Variants in ATG10 observed in about 807,000 individuals in gnomAD.
ATG10 encodes the protein ubiquitin-like-conjugating enzyme ATG10.
ATG10 carries 30 observed loss-of-function variants against 32.1 expected under a neutral mutation model. That is an observed-to-expected ratio of 0.94 (90% CI 0.70 to 1.27). ATG10 has a LOEUF of 1.27. ATG10 is among the 50% of genes most tolerant of loss of function. ATG10 has a pLI of 0.00. For missense variants in ATG10, 233 were observed against 262.3 expected, an observed-to-expected ratio of 0.89 and a Z score of 0.77; for synonymous variants, 87 against 91.5, an observed-to-expected ratio of 0.95 and a Z score of 0.28.
intron 2 of ATG10, among the ~76,000 whole-genome samples, chr5:81,994,117 A>G (rs937903752): frequency 6.6e-6 from 1 of 152,216 alleles, no homozygotes; most frequent in Non-Finnish European, 1.5e-5. Flanking sequence ...TTCATTCAAC[A>G]CATTTCTGTC....
At chr5:82,208,956 A>G (rs908877673) in intron 5 of ATG10, among the ~76,000 whole-genome samples, 8 of 151,680 alleles carry the variant, frequency 5.3e-5, no homozygotes, top group Non-Finnish European at 7.4e-5. Context: ...TTAGCCTGCA[A>G]TTTTTTTTCT....
intron 3 of ATG10, among the ~76,000 whole-genome samples, chr5:82,058,888 A>G (rs558533524): frequency 1.3e-5 from 2 of 152,282 alleles, no homozygotes; most frequent in South Asian, 2.1e-4. Context: ...GTAAAGTTAT[A>G]TAAGATCCAC....
chr5:82,248,014 A>G (rs1208223378), intron 5 of ATG10, among the ~76,000 whole-genome samples: 3 of 152,230 alleles, frequency 2.0e-5, no homozygotes, highest in African/African-American at 7.2e-5. Context: ...CCTCAAGCCT[A>G]TAATGCTTTT....
chr5:81,985,716 T>A (rs1175798832), intron 1 of ATG10, among the ~76,000 whole-genome samples: 1 of 152,198 alleles, frequency 6.6e-6, no homozygotes. Context: ...AGAGACTGAC[T>A]TTTATCGAGT....
At chr5:82,222,621 CAT>C (rs1745974527) in intron 5 of ATG10, among the ~76,000 whole-genome samples, 1 of 152,122 alleles carries the variant, frequency 6.6e-6, no homozygotes, top group African/African-American at 2.4e-5. Context: ...GAGAAAGATT[CAT>C]ATATGTATTT....
intron 3 of ATG10, among the ~76,000 whole-genome samples, chr5:82,156,607 A>G (rs1037565665): frequency 6.6e-6 from 1 of 152,184 alleles, no homozygotes; most frequent in Non-Finnish European, 1.5e-5. Flanking sequence ...GAAAAACTGT[A>G]AACTGTTAGA....
intron 2 of ATG10, among the ~76,000 whole-genome samples, chr5:82,026,758 G>A (rs1020703173): frequency 2.6e-5 from 4 of 152,164 alleles, no homozygotes; most frequent in South Asian, 2.1e-4. Context: ...GGCCTTTTAC[G>A]TTAGAAAATA....
intron 2 of ATG10, among the ~76,000 whole-genome samples, chr5:81,988,184 T>G (rs1761345371): frequency 6.6e-6 from 1 of 152,254 alleles, no homozygotes; most frequent in South Asian, 2.1e-4. Context: ...TCCCCCACGC[T>G]GGAGTGCAGT....
chr5:82,015,213 C>CGGA (rs1762249503), intron 2 of ATG10, among the ~76,000 whole-genome samples: 1 of 152,196 alleles, frequency 6.6e-6, no homozygotes, highest in South Asian at 2.1e-4. Context: ...GTCTGATGGG[C>CGGA]TTCCCTTTGT....
At chr5:82,074,980 T>A (rs1458053473) in intron 3 of ATG10, among the ~76,000 whole-genome samples, 3 of 152,228 alleles carry the variant, frequency 2.0e-5, no homozygotes, top group Admixed American at 6.5e-5. Context: ...TGGCCTTAGT[T>A]ACTTGGTTGC....
chr5:82,122,462 C>A (rs1345573987), intron 3 of ATG10, among the ~76,000 whole-genome samples: 1 of 152,106 alleles, frequency 6.6e-6, no homozygotes, highest in East Asian at 1.9e-4. Context: ...GCAAAGATTT[C>A]ATGACACAGA....
rs1001603887 is a variant in ATG10 at position 81,983,238 on chromosome 5, C to A, written c.-12-4321C>A. ...CGACTGGCCGGGCTGGGGGCTGACC[C>A]CCCCCCCCACCTCCCTCCTGGACGG... On this transcript the variant is annotated intron_variant, in intron 1 of 7. Transcript: ENST00000282185. Among the ~76,000 whole-genome samples, 3 of 139,822 alleles carry A rather than the reference C, an allele frequency of 2.1e-5. No homozygotes were observed. In the East Asian group the frequency reaches 6.1e-4, roughly 29 times the overall value. 91.7% of individuals were successfully genotyped at this position (139,822 alleles called of 152,430 possible).
chr5:81,980,834 G>T (rs1375733688), intron 1 of ATG10, among the ~76,000 whole-genome samples: 2 of 152,054 alleles, frequency 1.3e-5, no homozygotes, highest in African/African-American at 2.4e-5. Context: ...ATTACCAGTG[G>T]AGCTAGAAAC....
rs2149667054 is a variant in ATG10, at chr5:81,987,562, T to C, written c.-9T>C. 1 of 1,573,784 alleles carries C rather than the reference T, an allele frequency of 6.4e-7. No individual in the cohort carries two copies. Among genetic ancestry groups the C allele is most frequent in the South Asian group, 1.1e-5 (1 of 87,166 alleles). On this transcript the variant is annotated 5_prime_UTR_variant, in exon 2 of 8. Coordinates refer to ENST00000282185, the MANE Select transcript of ATG10 (RefSeq NM_031482.5). ...ATACTTAGTTTTTGTATTGCAGTTA[T>C]CATTTAACATGGAAGAAGATGAGTT... is the stretch of plus-strand genomic sequence containing the variant.
At chr5:82,049,585 T>A (rs1431430253) in intron 2 of ATG10, among the ~76,000 whole-genome samples, 3 of 152,032 alleles carry the variant, frequency 2.0e-5, no homozygotes, top group African/African-American at 7.2e-5. Flanking sequence ...AACTAACTTC[T>A]TATACAAGTG....
rs527358984 is a variant in ATG10 at position 82,079,107 on chromosome 5, G to C, written c.216+20505G>C. ...AACCTCATTCTTGTAGTTTCATTCA[G>C]ATTCTTCATCTGTCTCCCTTGGTGT... is the stretch of plus-strand genomic sequence containing the variant. On this transcript the variant is annotated intron_variant, in intron 3 of 7. Coordinates refer to ENST00000282185, the MANE Select transcript of ATG10 (RefSeq NM_031482.5). Among the ~76,000 whole-genome samples, 3 of 152,296 alleles carry C rather than the reference G, an allele frequency of 2.0e-5. No individual in the cohort carries two copies. The South Asian group carries it at 6.2e-4, about 32-fold the overall frequency.
At chr5:82,091,486 T>C (rs959529123) in intron 3 of ATG10, among the ~76,000 whole-genome samples, 1 of 152,190 alleles carries the variant, frequency 6.6e-6, no homozygotes, top group African/African-American at 2.4e-5. Flanking sequence ...TGTGATCATT[T>C]GAGTATATAC....
At chr5:82,140,203 G>C (rs1767033351) in intron 3 of ATG10, among the ~76,000 whole-genome samples, 1 of 59,492 alleles carries the variant, frequency 1.7e-5, no homozygotes, top group African/African-American at 6.9e-5. Context: ...GGGGGGGTCA[G>C]CCCCCCGCCC....
intron 2 of ATG10, among the ~76,000 whole-genome samples, chr5:82,045,354 A>G (rs970948227): frequency 6.6e-5 from 10 of 152,290 alleles, no homozygotes; most frequent in African/African-American, 1.9e-4. Flanking sequence ...ATATATGATC[A>G]TCAGTTTAAG....
Sources: allele counts gnomAD v4.1 joint callset (sites outside exome capture counted in the v4.1 genomes callset), GRCh38; gene constraint gnomAD v4.1.1; transcripts MANE v1.5; gene names NCBI Gene and HGNC (gene_info 2026-07-23, HGNC 2026-07-21).